MARCHF6: variants seen among roughly 807,000 people sequenced by gnomAD.
MARCHF6 encodes E3 ubiquitin-protein ligase MARCHF6.
In MARCHF6, 31 loss-of-function variants were observed where a neutral mutation model predicts 133.7. The observed-to-expected ratio is 0.23, with a 90% CI of 0.17 to 0.31. The LOEUF is 0.31. Among genes scored for constraint, MARCHF6 ranks in the 10% least tolerant of loss-of-function variants. MARCHF6 has a pLI of 1.00. For missense variants in MARCHF6, 723 were observed against 1,121.6 expected (o/e 0.64, Z 5.08); for synonymous variants, 395 against 402.5 (o/e 0.98, Z 0.22).
In MARCHF6 at chr5:10,390,326, T is replaced by A. The variant is rs1561120726; in HGVS notation, c.408-6T>A. The stretch of plus-strand genomic sequence containing the variant: ...GAGTAATTATATGTACTTTTTTTTT[T>A]AATAGGGAAAATTTGTTGGCAGATT... On this transcript the variant is annotated splice_polypyrimidine_tract_variant and splice_region_variant and intron_variant, in intron 5 of 25. Coordinates refer to ENST00000274140, the MANE Select transcript of MARCHF6 (RefSeq NM_005885.4). 1.9e-6 allele frequency: 3 copies of A among 1,610,324 alleles called. No homozygotes were observed. Among genetic ancestry groups the A allele is most frequent in the Non-Finnish European group, 2.5e-6 (3 of 1,178,498 alleles).
At chr5:10,420,053 G>C (rs1246123811) in intron 22 of MARCHF6, among the ~76,000 whole-genome samples, 1 of 151,402 alleles carries the variant, frequency 6.6e-6, no homozygotes, top group Non-Finnish European at 1.5e-5. Context: ...GTTGATGCTT[G>C]TTGTTGGTTG....
chr5:10,366,907 T>C (rs1044424797), intron 1 of MARCHF6, among the ~76,000 whole-genome samples: 3 of 152,250 alleles, frequency 2.0e-5, no homozygotes, highest in Admixed American at 6.5e-5. Context: ...TTCACTCTTA[T>C]AGCCTCCAGT....
chr5:10,375,347 C>T (rs1736708280), intron 1 of MARCHF6, among the ~76,000 whole-genome samples: 1 of 152,256 alleles, frequency 6.6e-6, no homozygotes, highest in South Asian at 2.1e-4. Flanking sequence ...AGTGCCGGCC[C>T]ACCGGCGCTG....
chr5:10,431,156 C>T (rs1264985674), intron 25 of MARCHF6, among the ~76,000 whole-genome samples: 3 of 152,142 alleles, frequency 2.0e-5, no homozygotes, highest in Admixed American at 6.5e-5. Flanking sequence ...TTCAAGACTT[C>T]TCCAAAGCAT....
At chr5:10,397,423 T>G in intron 10 of MARCHF6, 79 bp downstream of exon 10, 1 of 1,058,866 alleles carries the variant, frequency 9.4e-7, no homozygotes, top group Non-Finnish European at 1.4e-6. Flanking sequence ...TATAGGTTTA[T>G]TATTATTTTT....
chr5:10,354,008 G>C (rs1334656670), intron 1 of MARCHF6, 91 bp downstream of exon 1: 5 of 1,334,454 alleles, frequency 3.7e-6, no homozygotes, highest in African/African-American at 1.5e-5. Flanking sequence ...TGGGCTGCTG[G>C]ATCGCGGCGG....
chr5:10,426,352 T>A, intron 23 of MARCHF6, 38 bp from the exon 24 acceptor site: 1 of 1,605,998 alleles, frequency 6.2e-7, no homozygotes, highest in Non-Finnish European at 8.5e-7. Context: ...GGAATTTGTC[T>A]TGTATCTTTG....
Position 10,430,045 on chromosome 5 carries a change from G to A in MARCHF6, c.2642+17G>A. ...AAATGACAAGTAAGTCTGGCGTTCT[G>A]TTCGTCTCTTGTTTAAGTGTTTTCA... On this transcript the variant is annotated intron_variant, in intron 25 of 25. Coordinates refer to ENST00000274140, the MANE Select transcript of MARCHF6 (RefSeq NM_005885.4). The A allele has an allele frequency of 6.2e-7, 1 of 1,600,006 alleles. No homozygotes were observed. Among genetic ancestry groups the A allele is most frequent in the Non-Finnish European group, 8.6e-7 (1 of 1,169,494 alleles).
In MARCHF6 at chr5:10,353,782, C is replaced by CTCGCACCTGAGCGT. The variant is rs1735247739; in HGVS notation, c.-116_-103dup. On this transcript the variant is annotated 5_prime_UTR_variant, in exon 1 of 26. Transcript: ENST00000274140. ...CCCTCTCCTTCCTCTCGCTTCCTCT[C>CTCGCACCTGAGCGT]TCGCACCTGAGCGTACGCACCTGCC... The CTCGCACCTGAGCGT allele has an allele frequency of 1.2e-6, 1 of 859,714 alleles. No individual in the cohort carries two copies. The allele number at this position is 859,714 out of a possible 1,614,324, so 53.3% of individuals were successfully genotyped here.
rs181736107 is a variant in MARCHF6, at chr5:10,436,229, G to T, written c.*2545G>T. On this transcript the variant is annotated 3_prime_UTR_variant, in exon 26 of 26. Transcript: ENST00000274140. ...TGTTTTGTAAACAAACAATATGAAT[G>T]GCCAAAAAATTGCCCTCCATTTTAC... 5.9e-4 allele frequency: 89 copies of T among 152,116 alleles called. No homozygotes were observed. Among genetic ancestry groups the T allele is most frequent in the Middle Eastern group, 3.4e-3 (1 of 294 alleles). The allele number at this position is 152,116 out of a possible 1,614,324, so 9.4% of individuals were successfully genotyped here.
Position 10,411,553 on chromosome 5 carries a change from A to G in MARCHF6, c.1896+16A>G. Reference sequence around the variant, plus strand: ...TCCACTCAGGGTAGGTGCTATACAGACTTAATCACATATAGAGGTTTTTTT... The same window carrying G: ...TCCACTCAGGGTAGGTGCTATACAGGCTTAATCACATATAGAGGTTTTTTT... On this transcript the variant is annotated intron_variant, in intron 19 of 25. Transcript: ENST00000274140. 2 of 1,586,690 alleles carry G rather than the reference A, an allele frequency of 1.3e-6. No homozygotes were observed. Among genetic ancestry groups the G allele is most frequent in the South Asian group, 2.3e-5 (2 of 86,826 alleles).
At chr5:10,416,637 AAG>A (rs1739527921) in intron 21 of MARCHF6, among the ~76,000 whole-genome samples, 1 of 152,182 alleles carries the variant, frequency 6.6e-6, no homozygotes, top group South Asian at 2.1e-4. Flanking sequence ...CCTGAAGTAA[AAG>A]AGAGGTCATG....
chr5:10,373,731 A>T (rs1006651772), intron 1 of MARCHF6, among the ~76,000 whole-genome samples: 14 of 152,270 alleles, frequency 9.2e-5, no homozygotes, highest in African/African-American at 3.4e-4. Context: ...TTGCACAGCC[A>T]TCTGAATGTG....
intron 22 of MARCHF6, among the ~76,000 whole-genome samples, chr5:10,421,542 C>T (rs546463853): frequency 1.3e-5 from 2 of 152,284 alleles, no homozygotes; most frequent in African/African-American, 2.4e-5. Context: ...GCTGCAGCTC[C>T]GTGGGATAGT....
rs1181625267 is a variant in MARCHF6 at position 10,438,967 on chromosome 5, A to G, written c.*5283A>G. ...CCTCATTTTACATTGTTTAGTTATC[A>G]TTTTGAAACTTTTCTTCACATATGT... On this transcript the variant is annotated 3_prime_UTR_variant, in exon 26 of 26. Coordinates refer to ENST00000274140, the MANE Select transcript of MARCHF6 (RefSeq NM_005885.4). 6.6e-6 allele frequency: 1 copy of G among 152,172 alleles called. No homozygotes were observed. The highest frequency in any genetic ancestry group is 2.4e-5 in the African/African-American group (1 of 41,428). 9.4% of individuals were successfully genotyped at this position (152,172 alleles called of 1,614,324 possible).
chr5:10,417,519 G>A, intron 22 of MARCHF6, 115 bp downstream of exon 22: 2 of 1,354,946 alleles, frequency 1.5e-6, no homozygotes, highest in Non-Finnish European at 2.1e-6. Context: ...GCTGAGGTGG[G>A]AGGACTGCTT....
Position 10,377,831 on chromosome 5 carries a change from C to T in MARCHF6, c.53C>T (p.Pro18Leu), listed in dbSNP as rs367661138. The T allele has an allele frequency of 8.1e-6, 13 of 1,613,362 alleles. No homozygotes were observed. Among genetic ancestry groups the T allele is most frequent in the Non-Finnish European group, 1.1e-5 (13 of 1,179,442 alleles). Residue 18 changes from proline (P) to leucine (L), a missense_variant, in exon 2 of 26, where the codon CCT becomes CTT. Physicochemically the swap from Pro to Leu is moderately conservative, Grantham distance 98 (BLOSUM62 -3). Transcript: ENST00000274140. ...AGAGTGTGTCGGTCAGAAGGAACACCTGAGAAACCGCTTTATCATCCTTGT... is the reference window on the plus strand; with the variant it reads ...AGAGTGTGTCGGTCAGAAGGAACACTTGAGAAACCGCTTTATCATCCTTGT... ...ICRVCRSEGT[P>L]EKPLYHPCVC...
chr5:10,375,471 C>G (rs1319077395), intron 1 of MARCHF6, among the ~76,000 whole-genome samples: 1 of 152,282 alleles, frequency 6.6e-6, no homozygotes, highest in South Asian at 2.1e-4. Context: ...CGGCCCGAGC[C>G]TCCCCGACGA....
chr5:10,401,765 C>T, intron 11 of MARCHF6: 1 of 435,660 alleles, frequency 2.3e-6, no homozygotes, highest in East Asian at 3.6e-5. Context: ...GAGTAGAGGG[C>T]AGGCTGTTGT....
Sources: allele counts gnomAD v4.1 joint callset (sites outside exome capture counted in the v4.1 genomes callset), GRCh38; gene constraint gnomAD v4.1.1; transcripts MANE v1.5; gene names NCBI Gene and HGNC (gene_info 2026-07-23, HGNC 2026-07-21).